PITPNM2: variants seen among roughly 807,000 people sequenced by gnomAD.
The protein encoded by PITPNM2 is membrane-associated phosphatidylinositol transfer protein 2.
Under a neutral mutation model 132.2 loss-of-function variants are expected in PITPNM2, and 35 were observed. That is an observed-to-expected ratio of 0.26 (90% CI 0.20 to 0.35). The LOEUF (loss-of-function observed/expected upper bound fraction) is 0.35. PITPNM2 is among the 10% of genes least tolerant of loss of function. PITPNM2 has a pLI of 1.00. For missense variants in PITPNM2, 1,332 were observed against 1,912.0 expected, an observed-to-expected ratio of 0.70 and a Z score of 5.66; for synonymous variants, 738 against 799.2, an observed-to-expected ratio of 0.92 and a Z score of 1.29.
chr12:123,151,190 T>TGCGGAGTCTCGGCCCGGCCCC (rs1316767037), upstream of PITPNM2, among the ~76,000 whole-genome samples: 8 of 139,932 alleles, frequency 5.7e-5, no homozygotes, highest in African/African-American at 2.0e-4. Flanking sequence ...GGCGCGTCCC[T>TGCGGAGTCTCGGCCCGGCCCC]GCGGAGTCTC....
At chr12:123,028,312 G>C (rs1210887316) in intron 3 of PITPNM2, among the ~76,000 whole-genome samples, 1 of 152,224 alleles carries the variant, frequency 6.6e-6, no homozygotes, top group Non-Finnish European at 1.5e-5. Flanking sequence ...CGCGAGCCCA[G>C]CCCATCTTTT....
intron 1 of PITPNM2, among the ~76,000 whole-genome samples, chr12:123,124,188 G>C (rs1014938096): frequency 6.6e-6 from 1 of 152,192 alleles, no homozygotes; most frequent in Non-Finnish European, 1.5e-5. Context: ...CCCAGGAGGC[G>C]GAGGTTGCAG....
intron 1 of PITPNM2, among the ~76,000 whole-genome samples, chr12:123,128,751 CA>C (rs776224035): frequency 0.026 from 2,382 of 91,958 alleles, 25 homozygotes; most frequent in Non-Finnish European, 0.037. Context: ...GACTCGATAT[CA>C]AAAAAAAAAA....
chr12:123,089,592 G>T (rs2042205779), intron 2 of PITPNM2: 1 of 152,198 alleles, frequency 6.6e-6, no homozygotes, highest in African/African-American at 2.4e-5. Context: ...GAAGAGAACA[G>T]AATTTTTCCT....
chr12:123,137,954 G>A (rs2043418783), intron 1 of PITPNM2, among the ~76,000 whole-genome samples: 1 of 151,844 alleles, frequency 6.6e-6, no homozygotes, highest in Admixed American at 6.6e-5. Flanking sequence ...AACTGTCAGT[G>A]GTCACTTACC....
At chr12:123,040,374 A>G (rs1414674540) in intron 2 of PITPNM2, among the ~76,000 whole-genome samples, 1 of 152,204 alleles carries the variant, frequency 6.6e-6, no homozygotes, top group Admixed American at 6.5e-5. Context: ...AACTGTTAAA[A>G]TAGCAAAGTT....
chr12:123,076,501 CA>C (rs1209013821), intron 2 of PITPNM2, among the ~76,000 whole-genome samples: 14 of 152,222 alleles, frequency 9.2e-5, no homozygotes, highest in African/African-American at 2.9e-4. Context: ...AACAATCTGA[CA>C]GAGAGAATGC....
At chr12:123,055,306 C>T (rs573926257) in intron 2 of PITPNM2, among the ~76,000 whole-genome samples, 2 of 152,282 alleles carry the variant, frequency 1.3e-5, no homozygotes, top group East Asian at 1.9e-4. Context: ...CAACGTGCCA[C>T]CCTTTCATCA....
intron 1 of PITPNM2, among the ~76,000 whole-genome samples, chr12:123,146,543 A>C (rs1187064391): frequency 6.6e-6 from 1 of 152,068 alleles, no homozygotes. Flanking sequence ...GCAGTGAGCC[A>C]AGATCACATC....
chr12:122,995,307 T>A, intron 14 of PITPNM2, 82 bp downstream of exon 14: 1 of 1,500,588 alleles, frequency 6.7e-7, no homozygotes, highest in Non-Finnish European at 8.9e-7. Context: ...GGTCTCCTGT[T>A]GGCCATCACA....
At chr12:123,086,151 G>A (rs1352519241) in intron 2 of PITPNM2, among the ~76,000 whole-genome samples, 1 of 152,244 alleles carries the variant, frequency 6.6e-6, no homozygotes. Context: ...GCTGGAGCCA[G>A]GCAAGGTAGC....
chr12:123,000,929 G>C lies in PITPNM2; in HGVS notation c.1154-81C>G, dbSNP rs1197300536. 4 of 1,559,670 alleles carry C rather than the reference G, an allele frequency of 2.6e-6. No homozygotes were observed. The highest frequency in any genetic ancestry group is 3.5e-6 in the Non-Finnish European group (4 of 1,132,098). ...CGGACAGAGGCTGCAACTGTGACGA[G>C]GGGAGCTTGGGGGTCCCCAACTCAC... is the stretch of plus-strand genomic sequence containing the variant. On this transcript the variant is annotated intron_variant, in intron 9 of 25. Transcript: ENST00000320201. The surrounding 1 kb of genome is among the most constrained non-coding windows in gnomAD (Gnocchi z 5.4).
chr12:123,130,514 A>G (rs1202957402), intron 1 of PITPNM2, among the ~76,000 whole-genome samples: 1 of 152,102 alleles, frequency 6.6e-6, no homozygotes, highest in Non-Finnish European at 1.5e-5. Context: ...TGGCCCGGCA[A>G]TCACGCCTGT....
intron 1 of PITPNM2, among the ~76,000 whole-genome samples, chr12:123,127,246 T>C (rs748394274): frequency 3.3e-5 from 5 of 152,192 alleles, no homozygotes; most frequent in Non-Finnish European, 5.9e-5. Flanking sequence ...TCACGCCACT[T>C]ACACCGCTGC....
intron 2 of PITPNM2, among the ~76,000 whole-genome samples, chr12:123,062,410 G>A (rs547419000): frequency 6.6e-6 from 1 of 152,332 alleles, no homozygotes; most frequent in African/African-American, 2.4e-5. Flanking sequence ...GCTGCTGGCT[G>A]TGGGGCTGGG....
intron 2 of PITPNM2, among the ~76,000 whole-genome samples, chr12:123,052,082 T>G (rs1002497490): frequency 6.8e-6 from 1 of 147,090 alleles, no homozygotes; most frequent in South Asian, 2.2e-4. Flanking sequence ...TTATTGTTTT[T>G]TTTTTTTTTT....
intron 1 of PITPNM2, among the ~76,000 whole-genome samples, chr12:123,123,656 C>T (rs759572442): frequency 5.3e-5 from 8 of 151,902 alleles, no homozygotes; most frequent in Non-Finnish European, 8.8e-5. Flanking sequence ...ATTTTTAGGC[C>T]GGGAGCATTG....
At chr12:123,126,350 A>G (rs965795969) in intron 1 of PITPNM2, among the ~76,000 whole-genome samples, 10 of 152,084 alleles carry the variant, frequency 6.6e-5, no homozygotes, top group African/African-American at 1.9e-4. Flanking sequence ...TTGCCCTACT[A>G]TTCTCCACAA....
intron 2 of PITPNM2, among the ~76,000 whole-genome samples, chr12:123,096,101 G>A (rs115308062): frequency 1.5e-3 from 223 of 152,346 alleles, no homozygotes; most frequent in African/African-American, 5.1e-3. Context: ...AAGTGGCCCC[G>A]TGGCTTGTCC....
Sources: gnomAD v4.1 joint callset for allele counts (sites outside exome capture counted in the v4.1 genomes callset) on GRCh38, gnomAD v4.1.1 for gene constraint, Gnocchi (gnomAD v3.1) non-coding constraint, MANE v1.5 for transcripts, NCBI Gene and HGNC (gene_info 2026-07-23, HGNC 2026-07-21) for gene names.